The following PLA2G4E variants were observed in gnomAD, a reference collection of about 807,000 sequenced individuals.
The protein encoded by PLA2G4E is phospholipase A2 group IVE.
Under a neutral mutation model 109.1 loss-of-function variants are expected in PLA2G4E, and 84 were observed. The ratio of observed to expected loss-of-function variants is 0.77; its 90% CI spans 0.65 to 0.92. PLA2G4E has a LOEUF of 0.92. Among genes scored for constraint, PLA2G4E ranks in the 40% least tolerant of loss-of-function variants. The pLI is 0.00. For missense variants in PLA2G4E, 1,057 were observed against 1,076.6 expected, an observed-to-expected ratio of 0.98 and a Z score of 0.25; for synonymous variants, 469 against 436.1, an observed-to-expected ratio of 1.08 and a Z score of -0.94.
chr15:41,999,474 C>T lies in PLA2G4E; in HGVS notation c.974+50G>A, dbSNP rs74010957. The T allele has an allele frequency of 3.2e-3, 4,391 of 1,369,742 alleles. 123 individuals are homozygous for T. The African/African-American group carries it at 0.055, about 17-fold the overall frequency. The allele number at this position is 1,369,742 out of a possible 1,614,324, so 84.8% of individuals were successfully genotyped here. A position where few individuals can be genotyped will look rare whatever the true frequency, so the allele number is the denominator to read the frequency against. Reference sequence around the variant, plus strand: ...AACCACAGTGAGATACCACTGCACACCCACTGCTATGAATAAGTGAGAGGC... The same window carrying T: ...AACCACAGTGAGATACCACTGCACATCCACTGCTATGAATAAGTGAGAGGC... On this transcript the variant is annotated intron_variant, in intron 10 of 19. Transcript: ENST00000399518.
intron 6 of PLA2G4E, among the ~76,000 whole-genome samples, chr15:42,002,264 CAAAAAAAA>C (rs71108143): frequency 1.4e-5 from 1 of 73,234 alleles, no homozygotes; most frequent in African/African-American, 6.2e-5. Context: ...GACCTTGTCT[CAAAAAAAA>C]AAAAAAAAAA....
intron 1 of PLA2G4E, among the ~76,000 whole-genome samples, chr15:42,026,259 C>T (rs1484113319): frequency 6.6e-6 from 1 of 152,158 alleles, no homozygotes; most frequent in Non-Finnish European, 1.5e-5. Flanking sequence ...CAGAGACAGA[C>T]CCCTGCTTTT....
exon 3 of PLA2G4E, chr15:42,007,798 C>A (rs1033279997): frequency 6.2e-7 from 1 of 1,611,816 alleles, no homozygotes; most frequent in African/African-American, 1.3e-5. Flanking sequence ...TGGAGATGGT[C>A]CTTGTCCTCA....
At chr15:42,017,567 G>C (rs1485008523) in intron 1 of PLA2G4E, among the ~76,000 whole-genome samples, 2 of 152,212 alleles carry the variant, frequency 1.3e-5, no homozygotes, top group Non-Finnish European at 1.5e-5. Context: ...CTCACAGCTA[G>C]AATCAGAGAC....
Position 41,987,371 on chromosome 15 carries a change from G to A in PLA2G4E, c.1836C>T (p.Asp612=), listed in dbSNP as rs779914057. The change falls in exon 17 of 20, where the codon GAC becomes GAT. Residue 612 remains aspartate (D), a synonymous_variant. Transcript: ENST00000399518. ...TGGGGATTTCAGGCAGGATCGGCTCGTCTTCTGCAGGGGAGGGAGGGATGA... is the reference window on the plus strand; with the variant it reads ...TGGGGATTTCAGGCAGGATCGGCTCATCTTCTGCAGGGGAGGGAGGGATGA... 7.8e-5 allele frequency: 125 copies of A among 1,611,964 alleles called. No individual in the cohort carries two copies. The Middle Eastern group carries it at 8.2e-4, about 11-fold the overall frequency.
At chr15:42,001,125 C>G in intron 7 of PLA2G4E, 32 bp downstream of exon 7, 1 of 1,587,198 alleles carries the variant, frequency 6.3e-7, no homozygotes, top group Non-Finnish European at 8.7e-7. Flanking sequence ...CCCCCTTGTC[C>G]CCCAGTAGGC....
At chr15:42,038,189 A>C (rs776883826) in intron 1 of PLA2G4E, among the ~76,000 whole-genome samples, 8 of 152,238 alleles carry the variant, frequency 5.3e-5, no homozygotes, top group Non-Finnish European at 1.0e-4. Flanking sequence ...TCTGATGTGT[A>C]ATATCTAAGG....
intron 1 of PLA2G4E, among the ~76,000 whole-genome samples, chr15:42,040,875 G>A (rs1402284428): frequency 6.6e-6 from 1 of 152,170 alleles, no homozygotes; most frequent in Non-Finnish European, 1.5e-5. Flanking sequence ...AAGCTTCTCT[G>A]ATGATTCTAA....
chr15:42,041,571 C>T (rs1032476351), intron 1 of PLA2G4E, among the ~76,000 whole-genome samples: 1 of 152,172 alleles, frequency 6.6e-6, no homozygotes, highest in Non-Finnish European at 1.5e-5. Context: ...CTAAAGAGAC[C>T]TCCCCAGGAG....
chr15:42,011,538 A>G (rs979486505), intron 2 of PLA2G4E, among the ~76,000 whole-genome samples: 2 of 151,926 alleles, frequency 1.3e-5, no homozygotes, highest in African/African-American at 4.8e-5. Flanking sequence ...CTTGGGCAAC[A>G]TGGTGAAACC....
chr15:42,021,688 A>T (rs2068650018), intron 1 of PLA2G4E, among the ~76,000 whole-genome samples: 2 of 152,054 alleles, frequency 1.3e-5, no homozygotes, highest in African/African-American at 4.8e-5. Context: ...AGCTTGGAGG[A>T]TGCACCCGCC....
chr15:42,000,915 A>C (rs76582540), intron 7 of PLA2G4E, among the ~76,000 whole-genome samples: 3,196 of 152,156 alleles, frequency 0.021, 59 homozygotes, highest in Non-Finnish European at 0.034. Flanking sequence ...CAGCACTGGG[A>C]CCCCAGACCT....
chr15:41,990,285 G>C lies in PLA2G4E; in HGVS notation c.1471-50C>G, dbSNP rs1163889053. On this transcript the variant is annotated intron_variant, in intron 13 of 19. Transcript: ENST00000399518. ...GAGAAGCAGCAGCCCAGAGGGTGAGGGAGGCAGTGCAGAATGAGAAGACAA... is the reference window on the plus strand; with the variant it reads ...GAGAAGCAGCAGCCCAGAGGGTGAGCGAGGCAGTGCAGAATGAGAAGACAA... 5.2e-6 allele frequency: 8 copies of C among 1,526,206 alleles called. No homozygotes were observed. In the African/African-American group the frequency reaches 1.1e-4, roughly 21 times the overall value. The allele number at this position is 1,526,206 out of a possible 1,614,324, so 94.5% of individuals were successfully genotyped here.
rs1292776118 is a variant in PLA2G4E at position 41,995,499 on chromosome 15, G to C, written c.1111-3C>G. 8 of 1,612,396 alleles carry C rather than the reference G, an allele frequency of 5.0e-6. No homozygotes were observed. The highest frequency in any genetic ancestry group is 6.8e-6 in the Non-Finnish European group (8 of 1,178,618). On this transcript the variant is annotated splice_polypyrimidine_tract_variant and splice_region_variant and intron_variant, in intron 11 of 19. Transcript: ENST00000399518. ...GCCATGATGGCTATCAGCGGCACCT[G>C]GGGTTACACAGAGGCAGGCGGTTGG... is the stretch of plus-strand genomic sequence containing the variant.
chr15:41,985,903 A>T, exon 18 of PLA2G4E: 1 of 1,610,366 alleles, frequency 6.2e-7, no homozygotes, highest in Non-Finnish European at 8.5e-7. Flanking sequence ...CTCTGGCCTG[A>T]GGAGGGGCGG....
At chr15:42,024,158 G>A (rs185802042) in intron 1 of PLA2G4E, among the ~76,000 whole-genome samples, 1 of 152,254 alleles carries the variant, frequency 6.6e-6, no homozygotes, top group Non-Finnish European at 1.5e-5. Flanking sequence ...AGAGGACTCG[G>A]GGAGTTGGAA....
At chr15:42,020,044 GA>G (rs1410116403) in intron 1 of PLA2G4E, among the ~76,000 whole-genome samples, 2 of 152,228 alleles carry the variant, frequency 1.3e-5, no homozygotes, top group Non-Finnish European at 2.9e-5. Flanking sequence ...GTGCTGTGGG[GA>G]AACCAGGGCA....
chr15:41,983,917 T>C (rs2068098294), exon 20 of PLA2G4E: 1 of 1,613,350 alleles, frequency 6.2e-7, no homozygotes, highest in African/African-American at 1.3e-5. Context: ...ATAGGGAGTT[T>C]TGGGACCATA....
In PLA2G4E at chr15:42,013,850, G is replaced by A. The variant is rs554331977; in HGVS notation, c.184-93C>T. The A allele has an allele frequency of 3.7e-3, 3,439 of 933,066 alleles. 19 individuals are homozygous for A. Among genetic ancestry groups the A allele is most frequent in the Non-Finnish European group, 4.7e-3 (2,921 of 626,206 alleles). The allele number at this position is 933,066 out of a possible 1,614,324, so 57.8% of individuals were successfully genotyped here. A position where few individuals can be genotyped will look rare whatever the true frequency, so the allele number is the denominator to read the frequency against. On this transcript the variant is annotated intron_variant, in intron 1 of 19. Coordinates refer to ENST00000399518, the Ensembl canonical transcript of PLA2G4E. Reference sequence around the variant, plus strand: ...CTTTCCCGCTATGCCTCCTCAGGCCGGCCCAGTTGCATTACAACAACCCCT... The same window carrying A: ...CTTTCCCGCTATGCCTCCTCAGGCCAGCCCAGTTGCATTACAACAACCCCT...
Sources: allele counts gnomAD v4.1 joint callset (sites outside exome capture counted in the v4.1 genomes callset), GRCh38; gene constraint gnomAD v4.1.1; transcripts MANE v1.5; gene names NCBI Gene and HGNC (gene_info 2026-07-23, HGNC 2026-07-21).